Variants in ZNF804B observed in about 807,000 individuals in gnomAD.
ZNF804B encodes zinc finger 804B.
Under a neutral mutation model 101.4 loss-of-function variants are expected in ZNF804B, and 80 were observed. The observed-to-expected ratio is 0.79, with a 90% CI of 0.66 to 0.95. ZNF804B has a LOEUF of 0.95. ZNF804B is among the 40% of genes least tolerant of loss of function. The pLI, the probability that ZNF804B is intolerant of heterozygous loss-of-function variation, is 0.00. For synonymous variants in ZNF804B, 622 were observed against 558.8 expected (o/e 1.11, Z -1.59); for missense variants, 1,673 against 1,561.9 (o/e 1.07, Z -1.20).
chr7:88,812,075 A>C (rs1790798958), intron 1 of ZNF804B, among the ~76,000 whole-genome samples: 1 of 152,184 alleles, frequency 6.6e-6, no homozygotes, highest in African/African-American at 2.4e-5. Context: ...AGTAGCCTCT[A>C]CCAGAGTAAT....
chr7:89,186,266 T>G (rs926677687), intron 1 of ZNF804B, among the ~76,000 whole-genome samples: 1 of 152,112 alleles, frequency 6.6e-6, no homozygotes, highest in African/African-American at 2.4e-5. Flanking sequence ...ACAGTATAGC[T>G]AAAAGACTAA....
chr7:89,265,287 T>C (rs1721736), intron 2 of ZNF804B, among the ~76,000 whole-genome samples: 47,862 of 107,348 alleles, frequency 0.45, 7,572 homozygotes, highest in South Asian at 0.54. Flanking sequence ...TGTGTGTGTG[T>C]GTGTGTGCGC....
chr7:89,060,953 C>G (rs1789370718), intron 1 of ZNF804B, among the ~76,000 whole-genome samples: 1 of 152,068 alleles, frequency 6.6e-6, no homozygotes, highest in Non-Finnish European at 1.5e-5. Context: ...AGTTTTTGGT[C>G]AATGTCATCA....
intron 1 of ZNF804B, among the ~76,000 whole-genome samples, chr7:89,055,873 T>C (rs1191876235): frequency 6.6e-6 from 1 of 152,110 alleles, no homozygotes; most frequent in East Asian, 1.9e-4. Context: ...GCGCTGCTCT[T>C]AGAAGAATAG....
At chr7:88,931,304 T>G (rs1477744631) in intron 1 of ZNF804B, among the ~76,000 whole-genome samples, 1 of 151,890 alleles carries the variant, frequency 6.6e-6, no homozygotes, top group Non-Finnish European at 1.5e-5. Context: ...GTATTTATAT[T>G]TGAAGCAAGC....
chr7:89,177,926 C>T (rs1209825729), intron 1 of ZNF804B, among the ~76,000 whole-genome samples: 3 of 140,154 alleles, frequency 2.1e-5, no homozygotes, highest in Admixed American at 7.4e-5. Flanking sequence ...CAGAGCGAGA[C>T]TCTGTCTCAA....
intron 1 of ZNF804B, among the ~76,000 whole-genome samples, chr7:88,854,584 T>TTCCTTCCC (rs1791527145): frequency 1.5e-5 from 2 of 134,966 alleles, no homozygotes; most frequent in Non-Finnish European, 1.6e-5. Context: ...CCTTCCTTCC[T>TTCCTTCCC]TCCCTTTATT....
intron 2 of ZNF804B, among the ~76,000 whole-genome samples, chr7:89,279,320 T>A (rs1790042041): frequency 2.6e-5 from 4 of 151,778 alleles, no homozygotes; most frequent in Admixed American, 2.6e-4. Context: ...GACTTCCTCT[T>A]TTCCTAATTG....
rs140837097 is a variant in ZNF804B, at chr7:89,055,882, A to G, written c.109-162273A>G. Among the ~76,000 whole-genome samples, 444 of 152,246 alleles carry G rather than the reference A, an allele frequency of 2.9e-3. 2 individuals carry two copies. The highest frequency in any genetic ancestry group is 9.7e-3 in the African/African-American group (404 of 41,562). On this transcript the variant is annotated intron_variant, in intron 1 of 3. Transcript: ENST00000333190. ...TTCTTGGCGCTGCTCTTAGAAGAAT[A>G]GATGAAAGCTCTGTCTGGATGTGGT...
intron 1 of ZNF804B, among the ~76,000 whole-genome samples, chr7:88,978,861 T>C (rs1027462415): frequency 4.1e-5 from 6 of 146,988 alleles, no homozygotes; most frequent in South Asian, 4.7e-4. Context: ...CTTTCTTCCT[T>C]CCCATCTTTC....
intron 2 of ZNF804B, among the ~76,000 whole-genome samples, chr7:89,270,700 A>G (rs1224434233): frequency 6.6e-6 from 1 of 152,234 alleles, no homozygotes; most frequent in Admixed American, 6.5e-5. Context: ...ATCCATGAGC[A>G]TGGACTATTT....
chr7:88,786,570 T>G, intron 1 of ZNF804B, among the ~76,000 whole-genome samples: 1 of 152,096 alleles, frequency 6.6e-6, no homozygotes, highest in Non-Finnish European at 1.5e-5. Flanking sequence ...TTTATTCTGT[T>G]TTTCTTTCCT....
chr7:89,062,989 A>G (rs1038369737), intron 1 of ZNF804B, among the ~76,000 whole-genome samples: 16 of 152,128 alleles, frequency 1.1e-4, no homozygotes, highest in Admixed American at 5.2e-4. Flanking sequence ...GGATAGGTGT[A>G]CCTTCTAAGA....
At chr7:88,985,838 G>A (rs1793752484) in intron 1 of ZNF804B, among the ~76,000 whole-genome samples, 1 of 152,012 alleles carries the variant, frequency 6.6e-6, no homozygotes, top group Non-Finnish European at 1.5e-5. Context: ...CATTAGTAAA[G>A]TCATTATGTA....
intron 2 of ZNF804B, among the ~76,000 whole-genome samples, chr7:89,309,264 C>T (rs1028991052): frequency 3.9e-5 from 6 of 152,066 alleles, no homozygotes; most frequent in South Asian, 2.1e-4. Flanking sequence ...TCTGTTTCTG[C>T]GTTAATTCAC....
intron 2 of ZNF804B, among the ~76,000 whole-genome samples, chr7:89,296,991 C>T (rs1254775433): frequency 6.6e-6 from 1 of 151,996 alleles, no homozygotes; most frequent in African/African-American, 2.4e-5. Flanking sequence ...TATTGCTTTG[C>T]ACTAACCAAT....
intron 1 of ZNF804B, among the ~76,000 whole-genome samples, chr7:88,772,603 G>C (rs1390508579): frequency 6.6e-6 from 1 of 152,166 alleles, no homozygotes; most frequent in Non-Finnish European, 1.5e-5. Flanking sequence ...CATGTGATCT[G>C]ATTGTATGAC....
intron 1 of ZNF804B, among the ~76,000 whole-genome samples, chr7:88,853,585 A>C (rs1487169799): frequency 1.3e-5 from 2 of 152,148 alleles, no homozygotes; most frequent in East Asian, 3.9e-4. Context: ...ATATCTCTCT[A>C]AAATGCTTAA....
intron 1 of ZNF804B, among the ~76,000 whole-genome samples, chr7:88,779,499 A>G (rs1790192300): frequency 6.6e-6 from 1 of 152,190 alleles, no homozygotes; most frequent in South Asian, 2.1e-4. Context: ...GTTCACAATC[A>G]GAGTAACATG....
Sources: allele counts gnomAD v4.1 joint callset (sites outside exome capture counted in the v4.1 genomes callset), GRCh38; gene constraint gnomAD v4.1.1; transcripts MANE v1.5; gene names NCBI Gene and HGNC (gene_info 2026-07-23, HGNC 2026-07-21).